ETF1: variants seen among roughly 807,000 people sequenced by gnomAD.
The protein encoded by ETF1 is eukaryotic translation termination factor 1.
In ETF1, 4 loss-of-function variants were observed where a neutral mutation model predicts 55.1. The ratio of observed to expected loss-of-function variants is 0.07; its 90% CI spans 0.04 to 0.17. The LOEUF is 0.17. Among genes scored for constraint, ETF1 ranks in the 10% least tolerant of loss-of-function variants. The probability of loss-of-function intolerance (pLI) is 1.00; values close to 1 mark genes in which losing one functional copy is unlikely to be tolerated. For synonymous variants in ETF1, 157 were observed against 182.3 expected (o/e 0.86, Z 1.12); for missense variants, 142 against 523.6 (o/e 0.27, Z 7.11).
chr5:138,532,458 G>A (rs1377974234), intron 2 of ETF1, among the ~76,000 whole-genome samples: 2 of 152,176 alleles, frequency 1.3e-5, no homozygotes, highest in African/African-American at 4.8e-5. Context: ...CTAGCTTGGA[G>A]AGCAGATAGT....
chr5:138,528,593 G>T (rs2127109327), intron 2 of ETF1, among the ~76,000 whole-genome samples: 1 of 152,262 alleles, frequency 6.6e-6, no homozygotes, highest in South Asian at 2.1e-4. Context: ...CTACAAAGTT[G>T]ATAAATGAAA....
intron 2 of ETF1, among the ~76,000 whole-genome samples, chr5:138,525,162 T>C (rs1765414899): frequency 2.2e-5 from 3 of 134,132 alleles, no homozygotes; most frequent in Non-Finnish European, 4.6e-5. Flanking sequence ...CTATTAATAA[T>C]TTTTTTTTTT....
At chr5:138,511,631 T>C in intron 6 of ETF1, 27 bp from the exon 7 acceptor site, 1 of 1,560,780 alleles carries the variant, frequency 6.4e-7, no homozygotes, top group Non-Finnish European at 8.7e-7. Flanking sequence ...ATATTATTAG[T>C]ACTTACTGGT....
In ETF1 at chr5:138,507,017, C is replaced by T. The variant is rs1278484539; in HGVS notation, c.*1288G>A. The T allele has an allele frequency of 2.0e-5, 3 of 151,940 alleles. No individual in the cohort carries two copies. The highest frequency in any genetic ancestry group is 1.5e-5 in the Non-Finnish European group (1 of 67,760). The allele number at this position is 151,940 out of a possible 1,614,324, so 9.4% of individuals were successfully genotyped here. On this transcript the variant is annotated 3_prime_UTR_variant, in exon 11 of 11. Coordinates refer to ENST00000360541, the MANE Select transcript of ETF1 (RefSeq NM_004730.4). ...CTGGGCACGTACTATACACTTTGTT[C>T]AACTGTCACCACCCTGGGCACGCCA...
At chr5:138,524,689 T>G (rs1765388470) in intron 2 of ETF1, among the ~76,000 whole-genome samples, 1 of 148,664 alleles carries the variant, frequency 6.7e-6, no homozygotes, top group Non-Finnish European at 1.5e-5. Flanking sequence ...GCAATTCTCC[T>G]GCCTCAGCCT....
At chr5:138,537,892 A>T (rs1177554155) in intron 2 of ETF1, among the ~76,000 whole-genome samples, 5 of 125,596 alleles carry the variant, frequency 4.0e-5, no homozygotes, top group African/African-American at 8.9e-5. Context: ...TATTATTATT[A>T]TTATTTTTTT....
intron 2 of ETF1, among the ~76,000 whole-genome samples, chr5:138,540,870 G>C (rs965708773): frequency 5.3e-5 from 8 of 152,166 alleles, no homozygotes; most frequent in African/African-American, 1.9e-4. Flanking sequence ...AGGTAACATG[G>C]GTAGAACAAA....
chr5:138,507,420 ATCC>A lies in ETF1; in HGVS notation c.*882_*884del, dbSNP rs1764598027. On this transcript the variant is annotated 3_prime_UTR_variant, in exon 11 of 11. Coordinates refer to ENST00000360541, the MANE Select transcript of ETF1 (RefSeq NM_004730.4). The stretch of plus-strand genomic sequence containing the variant: ...CAAGGATTGACCCAAGCAAAATAAA[ATCC>A]TCTTTAAATTTCTTCGCTTCCACTT... The A allele has an allele frequency of 6.6e-6, 1 of 152,560 alleles. No individual in the cohort carries two copies. Among genetic ancestry groups the A allele is most frequent in the Non-Finnish European group, 1.5e-5 (1 of 68,026 alleles). The allele number at this position is 152,560 out of a possible 1,614,324, so 9.5% of individuals were successfully genotyped here.
At chr5:138,525,163 T>TA (rs1410626171) in intron 2 of ETF1, among the ~76,000 whole-genome samples, 1 of 148,406 alleles carries the variant, frequency 6.7e-6, no homozygotes, top group Non-Finnish European at 1.5e-5. Flanking sequence ...TATTAATAAT[T>TA]TTTTTTTTTT....
At chr5:138,536,105 A>G (rs1178810382) in intron 2 of ETF1, among the ~76,000 whole-genome samples, 1 of 152,170 alleles carries the variant, frequency 6.6e-6, no homozygotes, top group Admixed American at 6.6e-5. Context: ...CTTACTGGTT[A>G]ATAGTAAAAG....
rs58386195 is a variant in ETF1 at position 138,512,197 on chromosome 5, CAAAAAAAAAAAA to C, written c.732+555_732+566del. Among the ~76,000 whole-genome samples the C allele has an allele frequency of 6.0e-3, 17 of 2,834 alleles. 1 individual carries two copies. Among genetic ancestry groups the C allele is most frequent in the Non-Finnish European group, 6.7e-3 (12 of 1,788 alleles). 1.9% of individuals were successfully genotyped at this position (2,834 alleles called of 152,430 possible). On this transcript the variant is annotated intron_variant, in intron 6 of 10. Transcript: ENST00000360541. ...TAGGCAAGATAGCCAGACCCAGTCT[CAAAAAAAAAAAA>C]AAAAAAAAAAAAAAAAATATATATA...
intron 2 of ETF1, among the ~76,000 whole-genome samples, chr5:138,534,943 C>CGA (rs1765854733): frequency 6.6e-6 from 1 of 150,758 alleles, no homozygotes; most frequent in Non-Finnish European, 1.5e-5. Flanking sequence ...TGTATGCTTA[C>CGA]TCATCCTCAG....
At chr5:138,522,293 A>G (rs1419432231) in intron 2 of ETF1, among the ~76,000 whole-genome samples, 6 of 152,220 alleles carry the variant, frequency 3.9e-5, no homozygotes, top group African/African-American at 1.4e-4. Context: ...GTAAAAACTC[A>G]TAATTCATCA....
rs1174342975 is a variant in ETF1 at position 138,529,671 on chromosome 5, G to A, written c.87-10804C>T. 5 of 984,758 alleles carry A rather than the reference G, an allele frequency of 5.1e-6. No individual in the cohort carries two copies. The Admixed American group carries it at 3.1e-4, about 61-fold the overall frequency. The allele number at this position is 984,758 out of a possible 1,614,324, so 61.0% of individuals were successfully genotyped here. On this transcript the variant is annotated intron_variant, in intron 2 of 10. Coordinates refer to ENST00000360541, the MANE Select transcript of ETF1 (RefSeq NM_004730.4). ...CTTTCATCAATGCTTCGCCCAGAGG[G>A]TTAACGTCTGAAAAATCAAACAGGT...
At chr5:138,510,812 C>T (rs1764745720) in intron 8 of ETF1, 183 bp from the exon 9 acceptor site, 1 of 684,888 alleles carries the variant, frequency 1.5e-6, no homozygotes, top group African/African-American at 2.0e-5. Flanking sequence ...TAAGGAACAT[C>T]AGAGATGTTC....
rs1356282866 is a variant in ETF1, at chr5:138,543,135, CCGGCGGCGGCTCCGCGG to C, written c.-74_-58del. On this transcript the variant is annotated 5_prime_UTR_variant, in exon 1 of 11. It removes the in-frame stop codon of an upstream open reading frame in the 5' UTR. Coordinates refer to ENST00000360541, the MANE Select transcript of ETF1 (RefSeq NM_004730.4). ...CCTGGGCGGCAGCGGCTGCTCCTCC[CCGGCGGCGGCTCCGCGG>C]CGGCGGCGGCTCTGACGTAGGACAC... 2.9e-5 allele frequency: 17 copies of C among 581,782 alleles called. No individual in the cohort carries two copies. Among genetic ancestry groups the C allele is most frequent in the Non-Finnish European group, 4.2e-5 (14 of 333,304 alleles). The allele number at this position is 581,782 out of a possible 1,614,324, so 36.0% of individuals were successfully genotyped here.
At chr5:138,542,669 C>A (rs1766233301) in intron 2 of ETF1, 164 bp downstream of exon 2, 1 of 1,440,512 alleles carries the variant, frequency 6.9e-7, no homozygotes, top group Non-Finnish European at 9.1e-7. Flanking sequence ...TCGGGCCAAC[C>A]GCGCCGACCC....
Position 138,542,922 on chromosome 5 carries a change from C to T in ETF1, c.-4G>A. 2.5e-6 allele frequency: 4 copies of T among 1,613,662 alleles called. No individual in the cohort carries two copies. Among genetic ancestry groups the T allele is most frequent in the Non-Finnish European group, 3.4e-6 (4 of 1,179,884 alleles). On this transcript the variant is annotated 5_prime_UTR_variant, in exon 2 of 11. Transcript: ENST00000360541. ...CAGCACTGGGGTCGTCCGCCATCTT[C>T]TCGCCTCCTCCTCCCTAGAGCGGCC... is the stretch of plus-strand genomic sequence containing the variant.
chr5:138,513,955 GTAAATA>G (rs1183602866), intron 4 of ETF1: 1 of 903,328 alleles, frequency 1.1e-6, no homozygotes, highest in Non-Finnish European at 1.3e-6. Flanking sequence ...ACATGGGCAT[GTAAATA>G]TAAAACCAGA....
Sources: allele counts gnomAD v4.1 joint callset (sites outside exome capture counted in the v4.1 genomes callset), GRCh38; gene constraint gnomAD v4.1.1; transcripts MANE v1.5; gene names NCBI Gene and HGNC (gene_info 2026-07-23, HGNC 2026-07-21).